RPS6KA2: variants seen among roughly 807,000 people sequenced by gnomAD.
The protein encoded by RPS6KA2 is ribosomal protein S6 kinase A2.
In RPS6KA2, 42 loss-of-function variants were observed where a neutral mutation model predicts 91.8. The ratio of observed to expected loss-of-function variants is 0.46; its 90% CI spans 0.36 to 0.59. The LOEUF is 0.59. Among genes scored for constraint, RPS6KA2 ranks in the 20% least tolerant of loss-of-function variants. RPS6KA2 has a pLI of 0.00. For missense variants in RPS6KA2, 798 were observed against 978.5 expected (o/e 0.82, Z 2.46); for synonymous variants, 414 against 393.6 (o/e 1.05, Z -0.61).
intron 2 of RPS6KA2, among the ~76,000 whole-genome samples, chr6:166,673,737 TC>T (rs576428344): frequency 2.2e-3 from 329 of 152,224 alleles, no homozygotes; most frequent in African/African-American, 7.2e-3. Context: ...TTGTGATTTT[TC>T]TTTTTTTAGC....
At chr6:166,584,501 A>C (rs111289951) in intron 1 of RPS6KA2, among the ~76,000 whole-genome samples, 2 of 152,354 alleles carry the variant, frequency 1.3e-5, no homozygotes, top group African/African-American at 4.8e-5. Context: ...CTAAATGTCA[A>C]CATTTACATC....
intron 2 of RPS6KA2, among the ~76,000 whole-genome samples, chr6:166,779,659 C>G (rs1490823624): frequency 6.6e-6 from 1 of 152,220 alleles, no homozygotes; most frequent in Non-Finnish European, 1.5e-5. Context: ...AGAGCACTTG[C>G]TCTGTGTCCT....
chr6:166,577,016 A>G (rs1243396829), intron 1 of RPS6KA2, among the ~76,000 whole-genome samples: 2 of 152,130 alleles, frequency 1.3e-5, no homozygotes, highest in African/African-American at 4.8e-5. Flanking sequence ...GGGCCAAGGT[A>G]CAGCTCGGGC....
At chr6:166,806,331 C>G (rs1266609853) in intron 2 of RPS6KA2, among the ~76,000 whole-genome samples, 1 of 152,138 alleles carries the variant, frequency 6.6e-6, no homozygotes, top group African/African-American at 2.4e-5. Flanking sequence ...ACATTATAAT[C>G]AAACTGTTGA....
Position 166,500,757 on chromosome 6 carries a change from G to T in RPS6KA2, c.604+130C>A. The T allele has an allele frequency of 1.2e-6, 1 of 819,630 alleles. No homozygotes were observed. Among genetic ancestry groups the T allele is most frequent in the Non-Finnish European group, 2.0e-6 (1 of 491,526 alleles). The allele number at this position is 819,630 out of a possible 1,614,324, so 50.8% of individuals were successfully genotyped here. On this transcript the variant is annotated intron_variant, in intron 7 of 20. Transcript: ENST00000265678. This position sits in a 1 kb window ranked among gnomAD's most constrained non-coding sequence, Gnocchi z 4.3. The stretch of plus-strand genomic sequence containing the variant: ...GCAGTCTGTAGCTATAGAAAATTCT[G>T]CCAAATCAGAGACAAGCATCTGGCA...
chr6:166,829,199 G>T (rs868179936), intron 2 of RPS6KA2, among the ~76,000 whole-genome samples: 3 of 152,204 alleles, frequency 2.0e-5, no homozygotes, highest in South Asian at 2.1e-4. Flanking sequence ...AAATGGCAAG[G>T]ATGTGGAGAA....
rs763934669 is a variant in RPS6KA2 at position 166,508,298 on chromosome 6, A to G, written c.380-16T>C. The G allele has an allele frequency of 3.8e-6, 6 of 1,570,258 alleles. No individual in the cohort carries two copies. Among genetic ancestry groups the G allele is most frequent in the Non-Finnish European group, 5.3e-6 (6 of 1,140,482 alleles). On this transcript the variant is annotated splice_polypyrimidine_tract_variant and intron_variant, in intron 4 of 20. Coordinates refer to ENST00000265678, the MANE Select transcript of RPS6KA2 (RefSeq NM_021135.6). The surrounding 1 kb of genome is among the most constrained non-coding windows in gnomAD (Gnocchi z 4.3). ...GTCTGAAAGGCTGTGGGGGACAGAGACCCGCATTTTGACAGCTTGTCGAAT... is the reference window on the plus strand; with the variant it reads ...GTCTGAAAGGCTGTGGGGGACAGAGGCCCGCATTTTGACAGCTTGTCGAAT...
At position 166,467,145 on chromosome 6, in the gene RPS6KA2, C is replaced by A. The variant is rs191760919; in HGVS notation, c.972+2696G>T. 2.4e-3 allele frequency among the ~76,000 whole-genome samples: 362 copies of A among 152,180 alleles called. 3 individuals carry two copies. Among genetic ancestry groups the A allele is most frequent in the African/African-American group, 8.1e-3 (338 of 41,494 alleles). On this transcript the variant is annotated intron_variant, in intron 11 of 20. Coordinates refer to ENST00000265678, the MANE Select transcript of RPS6KA2 (RefSeq NM_021135.6). ...TCACTCCCTCACTCATTAACTCATT[C>A]ATTCACTCACTCATTAACTCACTCA...
At chr6:166,793,237 T>G (rs1450300046) in intron 2 of RPS6KA2, among the ~76,000 whole-genome samples, 8 of 150,792 alleles carry the variant, frequency 5.3e-5, no homozygotes, top group Non-Finnish European at 8.9e-5. Context: ...AAATCATGAG[T>G]GAACTCCCAT....
intron 1 of RPS6KA2, among the ~76,000 whole-genome samples, chr6:166,580,033 C>T (rs981257333): frequency 2.0e-5 from 3 of 152,232 alleles, no homozygotes; most frequent in African/African-American, 4.8e-5. Flanking sequence ...CTTAAAGGGC[C>T]GTCTTTCTAT....
chr6:166,444,570 C>CA (rs1190938786), intron 14 of RPS6KA2, among the ~76,000 whole-genome samples: 2 of 152,234 alleles, frequency 1.3e-5, no homozygotes, highest in African/African-American at 4.8e-5. Context: ...ACCATCAGAG[C>CA]ACTGGCTGGG....
intron 1 of RPS6KA2, among the ~76,000 whole-genome samples, chr6:166,598,207 A>G (rs1785607682): frequency 6.6e-6 from 1 of 152,190 alleles, no homozygotes; most frequent in South Asian, 2.1e-4. Context: ...AAATTGGAGC[A>G]CAGGACGGCA....
chr6:166,550,772 G>A lies in RPS6KA2; in HGVS notation c.100-11988C>T, dbSNP rs947047838. On this transcript the variant is annotated intron_variant, in intron 1 of 20. Coordinates refer to ENST00000265678, the MANE Select transcript of RPS6KA2 (RefSeq NM_021135.6). ...AATCCCAGCACTTTGGGAGGCCAAG[G>A]CGGTCAGATCACAAGGTCAGGAGAT... Among the ~76,000 whole-genome samples the A allele has an allele frequency of 1.8e-4, 27 of 152,152 alleles. No homozygotes were observed. The East Asian group carries it at 4.4e-3, about 25-fold the overall frequency.
rs537003548 is a variant in RPS6KA2 at position 166,433,632 on chromosome 6, C to T, written c.1333-1142G>A. Among the ~76,000 whole-genome samples, 1 of 152,308 alleles carries T rather than the reference C, an allele frequency of 6.6e-6. No individual in the cohort carries two copies. Among genetic ancestry groups the T allele is most frequent in the South Asian group, 2.1e-4 (1 of 4,826 alleles). On this transcript the variant is annotated intron_variant, in intron 14 of 20. Coordinates refer to ENST00000265678, the MANE Select transcript of RPS6KA2 (RefSeq NM_021135.6). This position sits in a 1 kb window ranked among gnomAD's most constrained non-coding sequence, Gnocchi z 4.4. ...TGTACTATTCTCACATTAGTTCAAC[C>T]TAATTTTAAAATAGTCTCTATTTGG...
Position 166,412,597 on chromosome 6 carries a change from C to T in RPS6KA2, c.*165G>A, listed in dbSNP as rs1778344919. 2.5e-5 allele frequency: 17 copies of T among 668,298 alleles called. No individual in the cohort carries two copies. Among genetic ancestry groups the T allele is most frequent in the Non-Finnish European group, 3.9e-5 (16 of 415,006 alleles). The allele number at this position is 668,298 out of a possible 1,614,324, so 41.4% of individuals were successfully genotyped here. On this transcript the variant is annotated 3_prime_UTR_variant, in exon 21 of 21. Coordinates refer to ENST00000265678, the MANE Select transcript of RPS6KA2 (RefSeq NM_021135.6). This position sits in a 1 kb window ranked among gnomAD's most constrained non-coding sequence, Gnocchi z 4.3. Reference sequence around the variant, plus strand: ...GTGAGGCTTGGAGAAGCCCCCAGGTCAGGACCCTCTCCGGGGCTGAAAAAG... The same window carrying T: ...GTGAGGCTTGGAGAAGCCCCCAGGTTAGGACCCTCTCCGGGGCTGAAAAAG...
intron 2 of RPS6KA2, among the ~76,000 whole-genome samples, chr6:166,790,855 T>G (rs981722103): frequency 6.6e-6 from 1 of 151,984 alleles, no homozygotes; most frequent in Admixed American, 6.6e-5. Context: ...AAAGAGCTCC[T>G]GAAGGAAGCA....
At chr6:166,638,045 C>A (rs1787305147) in intron 2 of RPS6KA2, among the ~76,000 whole-genome samples, 1 of 152,266 alleles carries the variant, frequency 6.6e-6, no homozygotes, top group Admixed American at 6.5e-5. Context: ...AGGGGCACGG[C>A]CTCGGTTCAC....
rs190320607 is a variant in RPS6KA2, at chr6:166,437,857, G to A, written c.1333-5367C>T. Reference sequence around the variant, plus strand: ...GAAGGCGGCAACAGGAGACTTCACCGCTCTCGATACACCTTTCTGGTCTTT... The same window carrying A: ...GAAGGCGGCAACAGGAGACTTCACCACTCTCGATACACCTTTCTGGTCTTT... On this transcript the variant is annotated intron_variant, in intron 14 of 20. Coordinates refer to ENST00000265678, the MANE Select transcript of RPS6KA2 (RefSeq NM_021135.6). The surrounding 1 kb of genome is among the most constrained non-coding windows in gnomAD (Gnocchi z 4.3). 3.7e-3 allele frequency among the ~76,000 whole-genome samples: 557 copies of A among 152,290 alleles called. No individual in the cohort carries two copies. The highest frequency in any genetic ancestry group is 5.5e-3 in the Non-Finnish European group (372 of 68,016).
rs551542849 is a variant in RPS6KA2, at chr6:166,829,569, A to G, written c.123+28631T>C. On this transcript the variant is annotated intron_variant, in intron 2 of 21. Coordinates refer to the RPS6KA2 transcript ENST00000503859. ...CGCGCCACTGCACTCCAGCCTGGGC[A>G]ACAGAGCGAGACTCTGTCTCAAAAA... 5.1e-3 allele frequency among the ~76,000 whole-genome samples: 675 copies of G among 133,390 alleles called. 3 individuals are homozygous for G. Among genetic ancestry groups the G allele is most frequent in the Non-Finnish European group, 8.2e-3 (534 of 64,780 alleles). 87.5% of individuals were successfully genotyped at this position (133,390 alleles called of 152,430 possible).
Sources: allele counts gnomAD v4.1 joint callset (sites outside exome capture counted in the v4.1 genomes callset), GRCh38; gene constraint gnomAD v4.1.1; non-coding constraint Gnocchi (gnomAD v3.1); transcripts MANE v1.5; gene names NCBI Gene and HGNC (gene_info 2026-07-23, HGNC 2026-07-21).